ARHGEF12: variants seen among roughly 807,000 people sequenced by gnomAD.
The protein encoded by ARHGEF12 is Rho guanine nucleotide exchange factor 12.
In ARHGEF12, 66 loss-of-function variants were observed where a neutral mutation model predicts 211.2. That is an observed-to-expected ratio of 0.31 (90% CI 0.26 to 0.38). The LOEUF (loss-of-function observed/expected upper bound fraction) is 0.38. Ranked by LOEUF, ARHGEF12 falls within the 10% of genes least tolerant of loss-of-function variation. The pLI, the probability that ARHGEF12 is intolerant of heterozygous loss-of-function variation, is 1.00. For missense variants in ARHGEF12, 1,429 were observed against 1,869.5 expected (o/e 0.76, Z 4.34); for synonymous variants, 592 against 638.4 (o/e 0.93, Z 1.09).
At position 120,476,565 on chromosome 11, in the gene ARHGEF12, C is replaced by T. The variant is rs1947038298; in HGVS notation, c.3278-96C>T. 1.4e-5 allele frequency: 10 copies of T among 708,182 alleles called. No homozygotes were observed. The South Asian group carries it at 1.5e-4, about 10-fold the overall frequency. The allele number at this position is 708,182 out of a possible 1,614,324, so 43.9% of individuals were successfully genotyped here. A position where few individuals can be genotyped will look rare whatever the true frequency, so the allele number is the denominator to read the frequency against. On this transcript the variant is annotated intron_variant, in intron 33 of 40. Transcript: ENST00000397843. ...TAAAGTAAATATATGTAACCTTTAT[C>T]TAGTTTAAGGGGCAGACTATTTCAA... is the stretch of plus-strand genomic sequence containing the variant.
intron 1 of ARHGEF12, among the ~76,000 whole-genome samples, chr11:120,373,964 C>T (rs965170691): frequency 3.3e-5 from 5 of 152,156 alleles, no homozygotes; most frequent in Non-Finnish European, 7.4e-5. Context: ...TGCACCACCA[C>T]GCCCGGCTAA....
intron 16 of ARHGEF12, 71 bp downstream of exon 16, chr11:120,445,535 G>T: frequency 6.9e-7 from 1 of 1,443,548 alleles, no homozygotes; most frequent in East Asian, 2.3e-5. Context: ...ATCTGTTCAG[G>T]TTTTATCTGT....
intron 27 of ARHGEF12, chr11:120,463,517 C>T (rs1200264439): frequency 8.7e-6 from 1 of 114,608 alleles, no homozygotes; most frequent in African/African-American, 3.7e-5. Context: ...AAGAGCGAAA[C>T]TCAGTCTCAA....
rs566990644 is a variant in ARHGEF12, at chr11:120,482,060, G to A, written c.4554+484G>A. 2.5e-3 allele frequency among the ~76,000 whole-genome samples: 378 copies of A among 152,172 alleles called. 3 individuals are homozygous for A. The highest frequency in any genetic ancestry group is 8.7e-3 in the African/African-American group (363 of 41,540). The stretch of plus-strand genomic sequence containing the variant: ...AGGCGTGAGCCACCGCGCCCAGTCG[G>A]CATTGTTTATCTTTTGACTATCACA... On this transcript the variant is annotated intron_variant, in intron 39 of 40. Coordinates refer to ENST00000397843, the MANE Select transcript of ARHGEF12 (RefSeq NM_015313.3).
chr11:120,459,183 A>G lies in ARHGEF12; in HGVS notation c.2390A>G (p.Tyr797Cys), dbSNP rs1946449507. 22 of 1,611,908 alleles carry G rather than the reference A, an allele frequency of 1.4e-5. No homozygotes were observed. Among genetic ancestry groups the G allele is most frequent in the Non-Finnish European group, 1.9e-5 (22 of 1,179,082 alleles). Residue 797 changes from tyrosine to cysteine, a missense_variant, in exon 26 of 41, where the codon TAC (tyrosine) becomes TGC (cysteine). By Grantham distance (194) the Tyr-to-Cys change is radical. This residue lies in a region of ARHGEF12 where 223 missense variants were observed against 444.6 expected (regional missense o/e 0.50). Transcript: ENST00000397843. ...TCTCTTTCCTGTTCAGAATTGTTCT[A>G]CACTGAAAGAGCTCATGTTCGAACA... The part of the protein sequence containing the change: ...KRQEVINELF[Y>C]TERAHVRTLK...
At position 120,445,522 on chromosome 11, in the gene ARHGEF12, C is replaced by T. The variant is rs376208999; in HGVS notation, c.1345+58C>T. ...ACATCTTAATAGATATGTAGCTCAG[C>T]TCATCTGTTCAGGTTTTATCTGTCA... On this transcript the variant is annotated intron_variant, in intron 16 of 40. Transcript: ENST00000397843. The T allele has an allele frequency of 1.2e-3, 1,858 of 1,532,112 alleles. 2 individuals are homozygous for T. Among genetic ancestry groups the T allele is most frequent in the Non-Finnish European group, 1.6e-3 (1,740 of 1,105,498 alleles). 94.9% of individuals were successfully genotyped at this position (1,532,112 alleles called of 1,614,324 possible). A position where few individuals can be genotyped will look rare whatever the true frequency, so the allele number is the denominator to read the frequency against.
intron 1 of ARHGEF12, among the ~76,000 whole-genome samples, chr11:120,380,032 C>G (rs1185167693): frequency 5.3e-5 from 8 of 152,110 alleles, no homozygotes; most frequent in Non-Finnish European, 1.2e-4. Context: ...ATTGTTATCT[C>G]TTCCTTTAAA....
At chr11:120,446,796 C>T in intron 17 of ARHGEF12, 152 bp from the exon 18 acceptor site, 1 of 925,554 alleles carries the variant, frequency 1.1e-6, no homozygotes, top group Non-Finnish European at 1.6e-6. Context: ...GAATTTTTTC[C>T]TCTGGTATCC....
At position 120,487,646 on chromosome 11, in the gene ARHGEF12, A is replaced by C; in HGVS notation, c.*2569A>C. 1 of 216,174 alleles carries C rather than the reference A, an allele frequency of 4.6e-6. No homozygotes were observed. The highest frequency in any genetic ancestry group is 6.9e-5 in the East Asian group (1 of 14,596). The allele number at this position is 216,174 out of a possible 1,614,324, so 13.4% of individuals were successfully genotyped here. A position where few individuals can be genotyped will look rare whatever the true frequency, so the allele number is the denominator to read the frequency against. ...AGAAGTTGAAATCTACTTCCCTGCTAAAGGGCACAGGGGTGGTGTACAAAG... is the reference window on the plus strand; with the variant it reads ...AGAAGTTGAAATCTACTTCCCTGCTCAAGGGCACAGGGGTGGTGTACAAAG... On this transcript the variant is annotated 3_prime_UTR_variant, in exon 41 of 41. Transcript: ENST00000397843.
chr11:120,476,120 G>T (rs1947020257), intron 33 of ARHGEF12: 1 of 152,498 alleles, frequency 6.6e-6, no homozygotes, highest in African/African-American at 2.4e-5. Context: ...ACCCAGGCTG[G>T]AGTGCAGTGG....
At chr11:120,395,056 C>CAAAAAAAAAAAAAAAAAAAAAAAAAAA (rs758953056) in intron 1 of ARHGEF12, among the ~76,000 whole-genome samples, 1 of 34,588 alleles carries the variant, frequency 2.9e-5, no homozygotes, top group African/African-American at 1.0e-4. Flanking sequence ...GACTCTATCT[C>CAAAAAAAAAAAAAAAAAAAAAAAAAAA]AAAAAAAAAA....
At chr11:120,385,108 A>G (rs1425123519) in intron 1 of ARHGEF12, among the ~76,000 whole-genome samples, 3 of 152,038 alleles carry the variant, frequency 2.0e-5, no homozygotes, top group Non-Finnish European at 1.5e-5. Flanking sequence ...TATGAGAGGT[A>G]TTTGGCCTGT....
intron 6 of ARHGEF12, among the ~76,000 whole-genome samples, 183 bp downstream of exon 6, chr11:120,422,035 G>A (rs984593840): frequency 2.6e-5 from 4 of 152,080 alleles, no homozygotes; most frequent in Admixed American, 2.0e-4. Flanking sequence ...ACTGAAGGAC[G>A]TAATAAAAGG....
chr11:120,353,479 T>G (rs1943049670), intron 1 of ARHGEF12, among the ~76,000 whole-genome samples: 1 of 152,130 alleles, frequency 6.6e-6, no homozygotes, highest in Non-Finnish European at 1.5e-5. Context: ...AACTTGAGAT[T>G]GTGGTCTAAA....
chr11:120,362,917 A>G (rs7924772), intron 1 of ARHGEF12, among the ~76,000 whole-genome samples: 59,169 of 150,766 alleles, frequency 0.39, 11,729 homozygotes, highest in African/African-American at 0.42. Flanking sequence ...TGACTAACAC[A>G]GTGAAACCCC....
At chr11:120,354,119 T>C (rs1943068330) in intron 1 of ARHGEF12, among the ~76,000 whole-genome samples, 1 of 152,108 alleles carries the variant, frequency 6.6e-6, no homozygotes, top group Non-Finnish European at 1.5e-5. Flanking sequence ...CTAGAGACCC[T>C]GGCCCCACAG....
rs1490912498 is a variant in ARHGEF12, at chr11:120,487,501, T to TA, written c.*2425dup. The TA allele has an allele frequency of 9.3e-6, 2 of 214,768 alleles. No individual in the cohort carries two copies. Among genetic ancestry groups the TA allele is most frequent in the Non-Finnish European group, 1.9e-5 (2 of 106,450 alleles). 13.3% of individuals were successfully genotyped at this position (214,768 alleles called of 1,614,324 possible). ...ACGTTCCATTTCATTTTGGCCATTATAGTCACATCCGTTTGACTTTGGTTG... is the reference window on the plus strand; with the variant it reads ...ACGTTCCATTTCATTTTGGCCATTATAAGTCACATCCGTTTGACTTTGGTTG... On this transcript the variant is annotated 3_prime_UTR_variant, in exon 41 of 41. Transcript: ENST00000397843.
intron 1 of ARHGEF12, among the ~76,000 whole-genome samples, chr11:120,340,291 G>C (rs1420662756): frequency 6.6e-6 from 1 of 152,184 alleles, no homozygotes; most frequent in Non-Finnish European, 1.5e-5. Context: ...CTCAGTAAAT[G>C]ATTTCAGGCC....
intron 29 of ARHGEF12, 51 bp from the exon 30 acceptor site, chr11:120,469,237 A>C (rs1201904475): frequency 7.4e-7 from 1 of 1,345,196 alleles, no homozygotes; most frequent in African/African-American, 1.5e-5. Flanking sequence ...CATATATTTT[A>C]TGGTTTTTTG....
Sources: allele counts gnomAD v4.1 joint callset (sites outside exome capture counted in the v4.1 genomes callset), GRCh38; gene constraint gnomAD v4.1.1; regional missense constraint gnomAD v4.1.1; transcripts MANE v1.5; gene names NCBI Gene and HGNC (gene_info 2026-07-23, HGNC 2026-07-21).